Variants in COL25A1 observed in about 807,000 individuals in gnomAD.
The protein encoded by COL25A1 is collagen alpha-1(XXV) chain.
Under a neutral mutation model 128.4 loss-of-function variants are expected in COL25A1, and 103 were observed. That is an observed-to-expected ratio of 0.80 (90% CI 0.68 to 0.94). The LOEUF (loss-of-function observed/expected upper bound fraction) is 0.94, where lower values mean the gene tolerates loss of function less well. Among genes scored for constraint, COL25A1 ranks in the 40% least tolerant of loss-of-function variants. The probability of loss-of-function intolerance (pLI) is 0.00; values close to 1 mark genes in which losing one functional copy is unlikely to be tolerated. For missense variants in COL25A1, 745 were observed against 840.0 expected (o/e 0.89, Z 1.40); for synonymous variants, 279 against 277.2 (o/e 1.01, Z -0.06).
intron 3 of COL25A1, among the ~76,000 whole-genome samples, chr4:109,060,225 G>A (rs1358536029): frequency 6.6e-6 from 1 of 152,182 alleles, no homozygotes; most frequent in Non-Finnish European, 1.5e-5. Context: ...CAGCATCTGT[G>A]CCAGTAAAGG....
intron 5 of COL25A1, among the ~76,000 whole-genome samples, chr4:109,035,869 T>C (rs1049132642): frequency 6.6e-6 from 1 of 152,034 alleles, no homozygotes; most frequent in African/African-American, 2.4e-5. Flanking sequence ...TCTCTTCTCC[T>C]AAACTCTATT....
At chr4:108,865,563 T>C (rs1437842628) in intron 20 of COL25A1, among the ~76,000 whole-genome samples, 3 of 152,192 alleles carry the variant, frequency 2.0e-5, no homozygotes, top group Non-Finnish European at 4.4e-5. Flanking sequence ...CCCATTACCC[T>C]GTTGAGTGAG....
At position 108,848,820 on chromosome 4, in the gene COL25A1, A is replaced by C; in HGVS notation, c.1390-17T>G. ...CTGCTCTCCCTATTAAGATAAAAAT[A>C]GATGACTTGCCTCCATTCTCATTGG... On this transcript the variant is annotated splice_polypyrimidine_tract_variant and intron_variant, in intron 26 of 37. Transcript: ENST00000399132. The C allele has an allele frequency of 6.2e-7, 1 of 1,601,148 alleles. No individual in the cohort carries two copies.
intron 15 of COL25A1, among the ~76,000 whole-genome samples, chr4:108,897,584 C>T (rs1049218888): frequency 9.9e-5 from 15 of 152,242 alleles, no homozygotes; most frequent in Non-Finnish European, 2.1e-4. Flanking sequence ...ATAATTTACA[C>T]AGTTATAAGA....
At chr4:109,200,623 T>A (rs1040554145) in intron 3 of COL25A1, among the ~76,000 whole-genome samples, 2 of 152,162 alleles carry the variant, frequency 1.3e-5, no homozygotes, top group Non-Finnish European at 2.9e-5. Context: ...GCTGATTTTT[T>A]GTATTTTTAG....
At chr4:109,042,960 C>T (rs886397870) in intron 5 of COL25A1, among the ~76,000 whole-genome samples, 2 of 152,038 alleles carry the variant, frequency 1.3e-5, no homozygotes, top group Non-Finnish European at 2.9e-5. Context: ...AAGATGTTTA[C>T]AAAGAGGGTG....
intron 3 of COL25A1, among the ~76,000 whole-genome samples, chr4:109,266,566 T>C (rs1272162347): frequency 6.6e-6 from 1 of 151,892 alleles, no homozygotes; most frequent in Non-Finnish European, 1.5e-5. Context: ...GTACTAATAA[T>C]CTAGGACAGG....
intron 5 of COL25A1, among the ~76,000 whole-genome samples, chr4:109,019,649 A>G (rs3108326): frequency 0.51 from 76,874 of 151,346 alleles, 22,169 homozygotes; most frequent in African/African-American, 0.78. Flanking sequence ...GAACAGCACT[A>G]GGGAAACTGC....
intron 3 of COL25A1, among the ~76,000 whole-genome samples, chr4:109,220,181 T>C (rs1175874423): frequency 6.6e-6 from 1 of 152,228 alleles, no homozygotes; most frequent in Non-Finnish European, 1.5e-5. Flanking sequence ...CTCTGTTTTC[T>C]GGAAGACATT....
intron 3 of COL25A1, among the ~76,000 whole-genome samples, chr4:109,205,932 G>A (rs886463041): frequency 2.6e-5 from 4 of 151,940 alleles, no homozygotes; most frequent in Admixed American, 6.6e-5. Context: ...CAGTGTTCAC[G>A]TCAGGCTGCT....
intron 20 of COL25A1, among the ~76,000 whole-genome samples, chr4:108,864,497 C>A (rs1367722418): frequency 2.0e-5 from 3 of 152,066 alleles, no homozygotes; most frequent in Non-Finnish European, 4.4e-5. Flanking sequence ...TAAAAGTGTT[C>A]GGGTTTTACA....
chr4:108,961,568 C>CCTGTTCTGTTCTGTTCTGTT (rs55657985), intron 8 of COL25A1, among the ~76,000 whole-genome samples: 7,520 of 135,430 alleles, frequency 0.056, 431 homozygotes, highest in East Asian at 0.11. Flanking sequence ...AGAAGGTTCT[C>CCTGTTCTGTTCTGTTCTGTT]CTGTTCTGTT....
In COL25A1 at chr4:109,208,483, T is replaced by TAA. The variant is rs199675745; in HGVS notation, c.367+92098_367+92099dup. The stretch of plus-strand genomic sequence containing the variant: ...TTCCAAGAAAGAAGATATCAGTTAA[T>TAA]AAAAAAAAAAAAAACAAATTATTAA... On this transcript the variant is annotated intron_variant, in intron 3 of 37. Transcript: ENST00000399132. Among the ~76,000 whole-genome samples, 575 of 138,246 alleles carry TAA rather than the reference T, an allele frequency of 4.2e-3. 3 individuals carry two copies. The highest frequency in any genetic ancestry group is 5.7e-3 in the Non-Finnish European group (366 of 64,444). The allele number at this position is 138,246 out of a possible 152,430, so 90.7% of individuals were successfully genotyped here.
intron 24 of COL25A1, among the ~76,000 whole-genome samples, chr4:108,857,127 A>G (rs1307318349): frequency 6.6e-6 from 1 of 152,128 alleles, no homozygotes; most frequent in East Asian, 1.9e-4. Flanking sequence ...TTATATTGGA[A>G]CAGTTCTTGG....
At chr4:109,022,818 C>G (rs959534250) in intron 5 of COL25A1, among the ~76,000 whole-genome samples, 1 of 152,118 alleles carries the variant, frequency 6.6e-6, no homozygotes, top group Non-Finnish European at 1.5e-5. Context: ...ATGCCAGGGT[C>G]TACGGCATTC....
chr4:109,207,939 T>C (rs1777142371), intron 3 of COL25A1, among the ~76,000 whole-genome samples: 1 of 152,196 alleles, frequency 6.6e-6, no homozygotes, highest in Non-Finnish European at 1.5e-5. Context: ...TCTTAAACTT[T>C]TTCCAAAATC....
At chr4:109,186,330 A>G (rs1775127666) in intron 3 of COL25A1, among the ~76,000 whole-genome samples, 1 of 152,156 alleles carries the variant, frequency 6.6e-6, no homozygotes, top group African/African-American at 2.4e-5. Context: ...TTTTTTGCAT[A>G]TATTTTTCCA....
At chr4:109,115,396 A>G (rs947350105) in intron 3 of COL25A1, among the ~76,000 whole-genome samples, 7 of 152,094 alleles carry the variant, frequency 4.6e-5, no homozygotes, top group Non-Finnish European at 8.8e-5. Context: ...GCAGGTAAAG[A>G]GTCAAAATGT....
At chr4:109,127,011 G>A (rs1768686557) in intron 3 of COL25A1, among the ~76,000 whole-genome samples, 1 of 151,984 alleles carries the variant, frequency 6.6e-6, no homozygotes, top group Non-Finnish European at 1.5e-5. Context: ...AATAACAGAT[G>A]GGAACAATAA....
Sources: gnomAD v4.1 joint callset for allele counts (sites outside exome capture counted in the v4.1 genomes callset) on GRCh38, gnomAD v4.1.1 for gene constraint, MANE v1.5 for transcripts, NCBI Gene and HGNC (gene_info 2026-07-23, HGNC 2026-07-21) for gene names.